INTS3: variants seen among roughly 807,000 people sequenced by gnomAD.
INTS3 encodes the protein integrator complex subunit 3, also known as SOSS complex subunit A.
A neutral mutation model predicts 146.3 loss-of-function variants in INTS3; 34 were observed. The observed-to-expected ratio is 0.23, with a 90% CI of 0.18 to 0.31. INTS3 has a LOEUF of 0.31. Among genes scored for constraint, INTS3 ranks in the 10% least tolerant of loss-of-function variants. INTS3 has a pLI of 1.00. For missense variants in INTS3, 757 were observed against 1,304.2 expected (o/e 0.58, Z 6.46); for synonymous variants, 475 against 494.9 (o/e 0.96, Z 0.53).
Position 153,772,821 on chromosome 1 carries a change from G to A in INTS3, c.2895-104G>A. 6.3e-7 allele frequency: 1 copy of A among 1,585,406 alleles called. No homozygotes were observed. The highest frequency in any genetic ancestry group is 1.1e-5 in the South Asian group (1 of 89,288). On this transcript the variant is annotated intron_variant, in intron 28 of 29. Transcript: ENST00000318967. This position sits in a 1 kb window ranked among gnomAD's most constrained non-coding sequence, Gnocchi z 4.6. ...TGGCCAGCAAGACCTTAGGGTCCAG[G>A]GTTGAAGAAAAAGAAGGCCTAGGCC...
intron 9 of INTS3, 47 bp downstream of exon 9, chr1:153,754,786 G>A (rs771805767): frequency 8.2e-7 from 1 of 1,216,028 alleles, no homozygotes; most frequent in South Asian, 1.2e-5. Flanking sequence ...CGCTGGCTGG[G>A]CTTCTTGCTT....
chr1:153,757,634 A>G lies in INTS3; in HGVS notation c.1020A>G (p.Pro340=), dbSNP rs1238814244. 8 of 1,614,082 alleles carry G rather than the reference A, an allele frequency of 5.0e-6. No individual in the cohort carries two copies. The highest frequency in any genetic ancestry group is 1.1e-5 in the South Asian group (1 of 91,090). Residue 340 remains proline, a synonymous_variant, in exon 10 of 30, where the codon CCA becomes CCG. Transcript: ENST00000318967. The surrounding 1 kb of genome is among the most constrained non-coding windows in gnomAD (Gnocchi z 4.0). ...TCCAGCGCCAGTACCTGTCAACTCC[A>G]GATAGTCAGTCTCTGCGCTGTGACC... is the stretch of plus-strand genomic sequence containing the variant. The part of the protein sequence containing the change: ...DWFQRQYLST[P]DSQSLRCDLI...
rs897123213 is a variant in INTS3 at position 153,766,078 on chromosome 1, C to T, written c.2090+1015C>T. ...ACATTTTCAGATAAATGGAATCAAA[C>T]TGTATGTGATCTTTTGTGACTTGCT... On this transcript the variant is annotated intron_variant, in intron 20 of 29. Transcript: ENST00000318967. Among the ~76,000 whole-genome samples the T allele has an allele frequency of 1.0e-3, 151 of 151,322 alleles. 2 individuals are homozygous for T. The highest frequency in any genetic ancestry group is 1.9e-3 in the Non-Finnish European group (126 of 67,862).
chr1:153,757,533 T>TAAGAAAAA lies in INTS3; in HGVS notation c.958-39_958-38insAAGAAAAA. ...TTTCCTCTGGCCAAGGACCCCACAC[T>TAAGAAAAA]GTCTTCTAAGGTCTTTTTCTTGCTT... On this transcript the variant is annotated intron_variant, in intron 9 of 29. Coordinates refer to ENST00000318967, the MANE Select transcript of INTS3 (RefSeq NM_023015.5). This position sits in a 1 kb window ranked among gnomAD's most constrained non-coding sequence, Gnocchi z 4.0. 1 of 1,591,594 alleles carries TAAGAAAAA rather than the reference T, an allele frequency of 6.3e-7. No homozygotes were observed. Among genetic ancestry groups the TAAGAAAAA allele is most frequent in the Non-Finnish European group, 8.6e-7 (1 of 1,161,750 alleles).
rs753903645 is a variant in INTS3, at chr1:153,760,291, T to C, written c.1238-20T>C. 6.4e-7 allele frequency: 1 copy of C among 1,550,924 alleles called. No homozygotes were observed. The highest frequency in any genetic ancestry group is 2.2e-5 in the East Asian group (1 of 44,514). On this transcript the variant is annotated intron_variant, in intron 11 of 29. Coordinates refer to ENST00000318967, the MANE Select transcript of INTS3 (RefSeq NM_023015.5). ...AGAGACTGACTGATGTGAGGGGCTC[T>C]TTAATTTCACATCCTCCAGAACCAG...
Position 153,771,790 on chromosome 1 carries a change from C to T in INTS3, c.2553-6C>T, listed in dbSNP as rs773277534. 12 of 1,609,104 alleles carry T rather than the reference C, an allele frequency of 7.5e-6. No individual in the cohort carries two copies. Among genetic ancestry groups the T allele is most frequent in the South Asian group, 1.1e-5 (1 of 90,614 alleles). ...AGCAGCACCCAGTGCCCCCTTCCTCCCCCAGGCCCAGCGAGGAGATGGTGA... is the reference window on the plus strand; with the variant it reads ...AGCAGCACCCAGTGCCCCCTTCCTCTCCCAGGCCCAGCGAGGAGATGGTGA... On this transcript the variant is annotated splice_polypyrimidine_tract_variant and splice_region_variant and intron_variant, in intron 25 of 29. Coordinates refer to ENST00000318967, the MANE Select transcript of INTS3 (RefSeq NM_023015.5).
intron 20 of INTS3, chr1:153,767,359 AAG>A: frequency 3.5e-6 from 1 of 285,190 alleles, no homozygotes; most frequent in Non-Finnish European, 6.5e-6. Context: ...CCCAGAAAGC[AAG>A]AGAGAAAGCC....
At chr1:153,758,562 C>G (rs551923184) in intron 10 of INTS3, among the ~76,000 whole-genome samples, 1 of 152,124 alleles carries the variant, frequency 6.6e-6, no homozygotes, top group Non-Finnish European at 1.5e-5. Context: ...AATCCCAGCA[C>G]TTTGGGAGGT....
chr1:153,759,830 G>A lies in INTS3; in HGVS notation c.1237+217G>A, dbSNP rs573772571. On this transcript the variant is annotated intron_variant, in intron 11 of 29. Coordinates refer to ENST00000318967, the MANE Select transcript of INTS3 (RefSeq NM_023015.5). ...TGTACCTCCTCCCCACAGTCTTCAGGATGCATGGTCTTCAGGAGGGGAGGG... is the reference window on the plus strand; with the variant it reads ...TGTACCTCCTCCCCACAGTCTTCAGAATGCATGGTCTTCAGGAGGGGAGGG... The A allele has an allele frequency of 8.2e-5, 47 of 573,306 alleles. 1 individual carries two copies. In the South Asian group the frequency reaches 1.0e-3, roughly 12 times the overall value. 35.5% of individuals were successfully genotyped at this position (573,306 alleles called of 1,614,324 possible). A position where few individuals can be genotyped will look rare whatever the true frequency, so the allele number is the denominator to read the frequency against.
intron 17 of INTS3, 92 bp downstream of exon 17, chr1:153,763,978 CTAGATGAGTCCCTCT>C: frequency 2.8e-5 from 37 of 1,339,048 alleles, no homozygotes; most frequent in Non-Finnish European, 3.9e-5. Flanking sequence ...TTTCCCTCCC[CTAGATGAGTCCCTCT>C]TATAGTGGGG....
intron 3 of INTS3, among the ~76,000 whole-genome samples, chr1:153,742,478 C>CTCTGTGTGTG (rs146023592): frequency 2.8e-4 from 42 of 147,550 alleles, no homozygotes; most frequent in African/African-American, 9.8e-4. Flanking sequence ...TTTTTAATCT[C>CTCTGTGTGTG]TGTGTGTGTG....
rs1161695159 is a variant in INTS3 at position 153,740,733 on chromosome 1, A to C, written c.233A>C (p.Tyr78Ser). Reference protein sequence around the residue: ...EREANDALNAYVCKGLPQHEE... With the variant: ...EREANDALNASVCKGLPQHEE... ...GAAGCCAATGATGCCCTCAATGCGT[A>C]TGTAAGTAGAATGCTGTCCCTGCAG... The change falls in exon 2 of 30, where the codon TAT (tyrosine) becomes TCT (serine). Residue 78 changes from tyrosine (Y) to serine (S), a missense_variant and splice_region_variant. Tyr to Ser is a moderately radical substitution (Grantham distance 144, BLOSUM62 -2). This residue lies in a region of INTS3 where 160 missense variants were observed against 193.7 expected (regional missense o/e 0.83). Coordinates refer to ENST00000318967, the MANE Select transcript of INTS3 (RefSeq NM_023015.5). 1.2e-6 allele frequency: 2 copies of C among 1,609,188 alleles called. No individual in the cohort carries two copies. The highest frequency in any genetic ancestry group is 2.2e-5 in the East Asian group (1 of 44,870).
intron 6 of INTS3, chr1:153,750,882 G>C (rs1476643500): frequency 8.6e-6 from 4 of 467,124 alleles, no homozygotes; most frequent in Admixed American, 3.9e-5. Context: ...TAGGCACTTG[G>C]AAGAGAAAAT....
chr1:153,737,872 T>G (rs561487151), intron 1 of INTS3, among the ~76,000 whole-genome samples: 1 of 152,254 alleles, frequency 6.6e-6, no homozygotes, highest in African/African-American at 2.4e-5. Flanking sequence ...TAAAGTTTGT[T>G]CTTAACATTT....
rs763613941 is a variant in INTS3, at chr1:153,741,384, C to G, written c.318+16C>G. 6.3e-7 allele frequency: 1 copy of G among 1,579,868 alleles called. No individual in the cohort carries two copies. Among genetic ancestry groups the G allele is most frequent in the Non-Finnish European group, 8.7e-7 (1 of 1,148,860 alleles). On this transcript the variant is annotated intron_variant, in intron 3 of 29. Transcript: ENST00000318967. ...AGCCCAGAAGGTAAGGCACCCTGCT[C>G]TGGACCCATAAACCCTCCTCATATA...
At chr1:153,741,703 T>A (rs147428843) in intron 3 of INTS3, among the ~76,000 whole-genome samples, 2 of 152,210 alleles carry the variant, frequency 1.3e-5, no homozygotes, top group African/African-American at 4.8e-5. Context: ...AGAGTTCTTA[T>A]CCAGAAGAGC....
rs1435162213 is a variant in INTS3 at position 153,772,156 on chromosome 1, C to T, written c.2721-184C>T. ...GGCCCTTTCTCCCCATCTTCCAGTG[C>T]CCCTGTGGCCAGGATCCCCTGTTCT... On this transcript the variant is annotated intron_variant, in intron 26 of 29. Transcript: ENST00000318967. This position sits in a 1 kb window ranked among gnomAD's most constrained non-coding sequence, Gnocchi z 4.6. 6.6e-6 allele frequency among the ~76,000 whole-genome samples: 1 copy of T among 152,174 alleles called. No homozygotes were observed. Among genetic ancestry groups the T allele is most frequent in the South Asian group, 2.1e-4 (1 of 4,828 alleles).
intron 22 of INTS3, 33 bp downstream of exon 22, chr1:153,768,994 C>G (rs960467499): frequency 1.9e-6 from 3 of 1,564,576 alleles, no homozygotes; most frequent in Non-Finnish European, 2.6e-6. Flanking sequence ...CCCAGAAGAT[C>G]TGGGAGGCAG....
At chr1:153,769,991 G>GT (rs1464600564) in intron 23 of INTS3, 147 bp downstream of exon 23, 2 of 702,948 alleles carry the variant, frequency 2.8e-6, no homozygotes, top group Non-Finnish European at 5.0e-6. Flanking sequence ...GTCTGGGGCA[G>GT]TATCTTTCTG....
Sources: allele counts gnomAD v4.1 joint callset (sites outside exome capture counted in the v4.1 genomes callset), GRCh38; gene constraint gnomAD v4.1.1; regional missense constraint gnomAD v4.1.1; non-coding constraint Gnocchi (gnomAD v3.1); transcripts MANE v1.5; gene names NCBI Gene and HGNC (gene_info 2026-07-23, HGNC 2026-07-21).